The following PKD1L1 variants were observed in gnomAD, a reference collection of about 807,000 sequenced individuals.
PKD1L1 encodes polycystin-1-like protein 1.
A neutral mutation model predicts 323.4 loss-of-function variants in PKD1L1; 236 were observed. That is an observed-to-expected ratio of 0.73 (90% confidence interval 0.66 to 0.81). The LOEUF (loss-of-function observed/expected upper bound fraction) is 0.81, where lower values mean the gene tolerates loss of function less well. Among genes scored for constraint, PKD1L1 ranks in the 40% least tolerant of loss-of-function variants. PKD1L1 has a pLI of 0.00. For synonymous variants in PKD1L1, 1,344 were observed against 1,335.0 expected (o/e 1.01, Z -0.15); for missense variants, 3,320 against 3,508.0 (o/e 0.95, Z 1.35).
chr7:47,878,871 A>G (rs2128746035), intron 21 of PKD1L1, among the ~76,000 whole-genome samples: 1 of 152,328 alleles, frequency 6.6e-6, no homozygotes, highest in Admixed American at 6.5e-5. Flanking sequence ...GCCTGAGTGC[A>G]CCACCTGGCA....
intron 21 of PKD1L1, among the ~76,000 whole-genome samples, chr7:47,878,770 C>T (rs1000740148): frequency 1.3e-5 from 2 of 152,120 alleles, no homozygotes; most frequent in African/African-American, 4.8e-5. Flanking sequence ...CACGAGGGGG[C>T]CTGGTGTTAT....
rs879249458 is a variant in PKD1L1, at chr7:47,775,288, C to T, written c.8527-122G>A. 2.1e-4 allele frequency: 215 copies of T among 1,035,832 alleles called. 6 individuals carry two copies. In the South Asian group the frequency reaches 2.3e-3, roughly 11 times the overall value. 64.2% of individuals were successfully genotyped at this position (1,035,832 alleles called of 1,614,324 possible). A position where few individuals can be genotyped will look rare whatever the true frequency, so the allele number is the denominator to read the frequency against. ...TGAACACCACCATCAGCTAACTTGACCAAGGTGACATTTACAGAACACTTT... is the reference window on the plus strand; with the variant it reads ...TGAACACCACCATCAGCTAACTTGATCAAGGTGACATTTACAGAACACTTT... On this transcript the variant is annotated intron_variant, in intron 56 of 56. Coordinates refer to ENST00000289672, the MANE Select transcript of PKD1L1 (RefSeq NM_138295.5).
chr7:47,938,632 C>T (rs1787917351), intron 3 of PKD1L1, among the ~76,000 whole-genome samples: 2 of 152,176 alleles, frequency 1.3e-5, no homozygotes, highest in South Asian at 2.1e-4. Context: ...GAGAGCAGAG[C>T]GGCCAGAATG....
intron 36 of PKD1L1, among the ~76,000 whole-genome samples, chr7:47,837,403 C>G (rs187405287): frequency 5.3e-4 from 81 of 152,296 alleles, no homozygotes; most frequent in Non-Finnish European, 9.9e-4. Context: ...CCCCTTGCTA[C>G]AGCCACACTG....
chr7:47,872,304 C>T (rs925140626), intron 24 of PKD1L1, among the ~76,000 whole-genome samples: 1 of 152,266 alleles, frequency 6.6e-6, no homozygotes, highest in Admixed American at 6.5e-5. Context: ...GATTCTAAAA[C>T]TCATATGGAA....
intron 43 of PKD1L1, 63 bp from the exon 44 acceptor site, chr7:47,829,664 C>T: frequency 1.4e-6 from 2 of 1,474,304 alleles, no homozygotes; most frequent in Non-Finnish European, 1.8e-6. Context: ...CCACACAGAG[C>T]TGTCCTCCCG....
intron 24 of PKD1L1, among the ~76,000 whole-genome samples, chr7:47,869,451 T>C (rs1786233752): frequency 1.3e-5 from 2 of 152,234 alleles, no homozygotes; most frequent in South Asian, 2.1e-4. Context: ...GCAAGGCATG[T>C]AGAGTGGTTA....
Position 47,803,310 on chromosome 7 carries a change from A to G in PKD1L1, c.7862T>C (p.Leu2621Pro). 4.3e-6 allele frequency: 7 copies of G among 1,614,138 alleles called. No individual in the cohort carries two copies. The highest frequency in any genetic ancestry group is 5.9e-6 in the Non-Finnish European group (7 of 1,180,028). Reference protein sequence around the residue: ...ARWLRGILLFLFTLKCVYLPG... With the variant: ...ARWLRGILLFPFTLKCVYLPG... ...AAGATAGACGCATTTTAATGTGAAG[A>G]GGAATAAGAGGATTCCCCGGAGCCA... Residue 2621 changes from leucine to proline, a missense_variant, in exon 53 of 57, where the codon CTC becomes CCC. Coordinates refer to ENST00000289672, the MANE Select transcript of PKD1L1 (RefSeq NM_138295.5).
intron 16 of PKD1L1, 110 bp downstream of exon 16, chr7:47,890,432 G>T: frequency 8.9e-7 from 1 of 1,124,396 alleles, no homozygotes; most frequent in Admixed American, 2.0e-5. Context: ...ATCCTGCATG[G>T]CCAAACTCCA....
intron 53 of PKD1L1, 133 bp downstream of exon 53, chr7:47,803,077 A>C (rs1359283009): frequency 1.8e-6 from 2 of 1,086,820 alleles, no homozygotes; most frequent in East Asian, 2.5e-5. Context: ...CCACACTGTA[A>C]GGGATTAGAA....
At chr7:47,810,066 G>T (rs1352073988) in intron 50 of PKD1L1, among the ~76,000 whole-genome samples, 1 of 152,170 alleles carries the variant, frequency 6.6e-6, no homozygotes, top group Non-Finnish European at 1.5e-5. Flanking sequence ...CTCTCCAGTG[G>T]TGAGTTACCT....
chr7:47,875,836 T>C (rs1011652761), intron 23 of PKD1L1, among the ~76,000 whole-genome samples: 2 of 152,218 alleles, frequency 1.3e-5, no homozygotes, highest in African/African-American at 4.8e-5. Context: ...TTAATTTATA[T>C]ATGAAAAAAC....
At chr7:47,901,312 T>C (rs1254438512) in intron 13 of PKD1L1, among the ~76,000 whole-genome samples, 1 of 116,810 alleles carries the variant, frequency 8.6e-6, no homozygotes, top group Non-Finnish European at 1.6e-5. Flanking sequence ...CACTCCAGCC[T>C]GGGCAACAGA....
At chr7:47,864,632 C>CT (rs1320636492) in intron 26 of PKD1L1, among the ~76,000 whole-genome samples, 1 of 132,228 alleles carries the variant, frequency 7.6e-6, no homozygotes, top group Non-Finnish European at 1.6e-5. Context: ...TTCTTTCTTT[C>CT]TTTCCTTCCT....
At chr7:47,798,784 A>G (rs1048784959) in intron 54 of PKD1L1, among the ~76,000 whole-genome samples, 1 of 151,732 alleles carries the variant, frequency 6.6e-6, no homozygotes, top group South Asian at 2.1e-4. Flanking sequence ...ACCAAAAACA[A>G]AGAAACAAAA....
At chr7:47,937,622 T>A (rs1176285335) in intron 3 of PKD1L1, among the ~76,000 whole-genome samples, 1 of 151,990 alleles carries the variant, frequency 6.6e-6, no homozygotes, top group Non-Finnish European at 1.5e-5. Flanking sequence ...CAGCAGGGGA[T>A]CCACTCAGAG....
intron 7 of PKD1L1, among the ~76,000 whole-genome samples, chr7:47,918,361 A>G (rs1030124645): frequency 6.6e-6 from 1 of 152,138 alleles, no homozygotes; most frequent in Non-Finnish European, 1.5e-5. Context: ...AATTTGTAAA[A>G]CAATTACTAA....
chr7:47,840,843 G>A lies in PKD1L1; in HGVS notation c.5446-276C>T, dbSNP rs1355050690. ...AAAAGCCAGATCCCAACTAGGATTC[G>A]GGAGGGCATTTGTTTTCTCATGAGG... On this transcript the variant is annotated intron_variant, in intron 34 of 56. Coordinates refer to ENST00000289672, the MANE Select transcript of PKD1L1 (RefSeq NM_138295.5). The surrounding 1 kb of genome is among the most constrained non-coding windows in gnomAD (Gnocchi z 4.1). Among the ~76,000 whole-genome samples the A allele has an allele frequency of 2.0e-5, 3 of 152,202 alleles. No individual in the cohort carries two copies. The highest frequency in any genetic ancestry group is 2.1e-4 in the South Asian group (1 of 4,838).
chr7:47,791,833 G>A (rs1482812356), intron 56 of PKD1L1, among the ~76,000 whole-genome samples: 1 of 152,284 alleles, frequency 6.6e-6, no homozygotes, highest in Admixed American at 6.5e-5. Flanking sequence ...GGCCAGCAGA[G>A]TATCTCTCTG....
Sources: gnomAD v4.1 joint callset for allele counts (sites outside exome capture counted in the v4.1 genomes callset) on GRCh38, gnomAD v4.1.1 for gene constraint, Gnocchi (gnomAD v3.1) non-coding constraint, MANE v1.5 for transcripts, NCBI Gene and HGNC (gene_info 2026-07-23, HGNC 2026-07-21) for gene names.